Variants in SLC1A3 observed in about 807,000 individuals in gnomAD.
SLC1A3 encodes solute carrier family 1 member 3.
Under a neutral mutation model 48.1 loss-of-function variants are expected in SLC1A3, and 21 were observed. That is an observed-to-expected ratio of 0.44 (90% CI 0.31 to 0.63). The LOEUF is 0.63. SLC1A3 is among the 20% of genes least tolerant of loss of function. The pLI is 0.08. For missense variants in SLC1A3, 546 were observed against 689.0 expected (o/e 0.79, Z 2.32); for synonymous variants, 239 against 251.4 (o/e 0.95, Z 0.47).
At chr5:36,624,253 G>A (rs934269205) in intron 2 of SLC1A3, among the ~76,000 whole-genome samples, 2 of 152,210 alleles carry the variant, frequency 1.3e-5, no homozygotes, top group Non-Finnish European at 2.9e-5. Context: ...TCTAGATTTA[G>A]TTAATGTCAT....
At chr5:36,625,244 C>T (rs2052885) in intron 2 of SLC1A3, among the ~76,000 whole-genome samples, 96,785 of 152,124 alleles carry the variant, frequency 0.64, 31,055 homozygotes, top group South Asian at 0.7. Flanking sequence ...GATCACGTGA[C>T]GTCAGGAGTT....
At chr5:36,603,215 A>G (rs2111633007), upstream of SLC1A3, among the ~76,000 whole-genome samples, 1 of 152,360 alleles carries the variant, frequency 6.6e-6, no homozygotes, top group Middle Eastern at 3.4e-3. Flanking sequence ...ATGCCACACG[A>G]TGGCTGCTAT....
At chr5:36,684,451 C>T (rs760004440) in intron 9 of SLC1A3, among the ~76,000 whole-genome samples, 4 of 152,104 alleles carry the variant, frequency 2.6e-5, no homozygotes, top group Admixed American at 6.5e-5. Flanking sequence ...TGAGCTATGC[C>T]GACACTGGGA....
rs150767230 is a variant in SLC1A3 at position 36,624,699 on chromosome 5, G to A, written c.182-4751G>A. Among the ~76,000 whole-genome samples the A allele has an allele frequency of 6.1e-3, 926 of 152,306 alleles. 6 individuals are homozygous for A. Among genetic ancestry groups the A allele is most frequent in the Middle Eastern group, 0.014 (4 of 294 alleles). On this transcript the variant is annotated intron_variant, in intron 2 of 9. Transcript: ENST00000265113. Reference sequence around the variant, plus strand: ...ATTCTTAATTAAATGTCCTTCTCACGTTACTACCGATGGTTTCTAGTGACT... The same window carrying A: ...ATTCTTAATTAAATGTCCTTCTCACATTACTACCGATGGTTTCTAGTGACT...
chr5:36,596,699 T>C (rs969013818), intron 1 of SLC1A3, among the ~76,000 whole-genome samples: 1 of 152,214 alleles, frequency 6.6e-6, no homozygotes, highest in Non-Finnish European at 1.5e-5. Context: ...TCTTAAATAT[T>C]ACATTTGAAA....
chr5:36,648,834 T>C (rs1740940154), intron 3 of SLC1A3, among the ~76,000 whole-genome samples: 1 of 152,144 alleles, frequency 6.6e-6, no homozygotes, highest in Admixed American at 6.5e-5. Flanking sequence ...TAATGGCCTG[T>C]GGTTCAAGGG....
chr5:36,685,955 C>T (rs190366004), intron 9 of SLC1A3, 110 bp from the exon 10 acceptor site: 15 of 805,442 alleles, frequency 1.9e-5, no homozygotes, highest in South Asian at 5.6e-5. Context: ...TTGGTAGATA[C>T]GGCGAACTGA....
intron 2 of SLC1A3, among the ~76,000 whole-genome samples, chr5:36,625,777 T>A (rs114227754): frequency 5.9e-5 from 9 of 152,196 alleles, no homozygotes; most frequent in Non-Finnish European, 1.2e-4. Flanking sequence ...AGAGAAGAGA[T>A]GTCCTACTTT....
intron 3 of SLC1A3, among the ~76,000 whole-genome samples, chr5:36,641,289 G>A (rs1175974200): frequency 6.6e-6 from 1 of 152,072 alleles, no homozygotes; most frequent in Non-Finnish European, 1.5e-5. Context: ...AAAATGTATT[G>A]TAGTCTGACA....
chr5:36,654,955 T>C (rs923211174), intron 3 of SLC1A3, among the ~76,000 whole-genome samples: 5 of 152,202 alleles, frequency 3.3e-5, no homozygotes, highest in African/African-American at 7.2e-5. Flanking sequence ...TCCTGTTTGG[T>C]TCTTAAGAAC....
Position 36,686,047 on chromosome 5 carries a change from T to G in SLC1A3, c.1425-18T>G. 2 of 1,611,712 alleles carry G rather than the reference T, an allele frequency of 1.2e-6. No homozygotes were observed. The highest frequency in any genetic ancestry group is 1.7e-6 in the Non-Finnish European group (2 of 1,178,172). ...TCACGGGAGCCTCGTTTTTCCCTCC[T>G]CCCCACCCTGCCTGCAGGGATCGCC... On this transcript the variant is annotated intron_variant, in intron 9 of 9. Transcript: ENST00000265113.
chr5:36,618,204 T>A (rs1739525795), intron 2 of SLC1A3, among the ~76,000 whole-genome samples: 3 of 152,224 alleles, frequency 2.0e-5, no homozygotes, highest in Non-Finnish European at 4.4e-5. Flanking sequence ...ACCCAAAGCT[T>A]TAATTTGTAT....
rs557318446 is a variant in SLC1A3, at chr5:36,658,497, C to T, written c.320-12532C>T. Among the ~76,000 whole-genome samples the T allele has an allele frequency of 9.2e-5, 14 of 152,228 alleles. No homozygotes were observed. In the South Asian group the frequency reaches 1.7e-3, roughly 18 times the overall value. On this transcript the variant is annotated intron_variant, in intron 3 of 9. Coordinates refer to ENST00000265113, the MANE Select transcript of SLC1A3 (RefSeq NM_004172.5). Reference sequence around the variant, plus strand: ...ATATTGAGTCTATAGAAAAGAAGACCGAAGTCCCCTGGTAAACGTATCTCA... The same window carrying T: ...ATATTGAGTCTATAGAAAAGAAGACTGAAGTCCCCTGGTAAACGTATCTCA...
At chr5:36,646,924 G>A (rs1033397766) in intron 3 of SLC1A3, among the ~76,000 whole-genome samples, 1 of 152,190 alleles carries the variant, frequency 6.6e-6, no homozygotes, top group African/African-American at 2.4e-5. Context: ...AGTGATGTGA[G>A]GGAAGCAGAG....
intron 3 of SLC1A3, chr5:36,668,150 A>G (rs752023161): frequency 6.6e-6 from 1 of 152,232 alleles, no homozygotes; most frequent in Non-Finnish European, 1.5e-5. Flanking sequence ...GCCCCATTCT[A>G]CAAAGTGATT....
chr5:36,685,285 A>T (rs948893011), intron 9 of SLC1A3, among the ~76,000 whole-genome samples: 1 of 152,188 alleles, frequency 6.6e-6, no homozygotes, highest in Non-Finnish European at 1.5e-5. Context: ...TTATTTATTT[A>T]CTTGTTTTGA....
Position 36,676,870 on chromosome 5 carries a change from CGTT to C in SLC1A3, c.568-19_568-17del, listed in dbSNP as rs774283730. On this transcript the variant is annotated intron_variant, in intron 5 of 9. Transcript: ENST00000265113. ...AAAAATAAAAATCACCTTTAATCCT[CGTT>C]GTGCTTTTTATTTTTAAGTTTAAAA... is the stretch of plus-strand genomic sequence containing the variant. The C allele has an allele frequency of 5.5e-5, 87 of 1,587,534 alleles. No individual in the cohort carries two copies. Among genetic ancestry groups the C allele is most frequent in the Non-Finnish European group, 6.8e-5 (79 of 1,160,666 alleles).
At chr5:36,615,830 T>C (rs1424146399) in intron 2 of SLC1A3, among the ~76,000 whole-genome samples, 2 of 152,230 alleles carry the variant, frequency 1.3e-5, no homozygotes, top group Non-Finnish European at 2.9e-5. Context: ...AGCTGCATCA[T>C]TGCTGGGAGC....
intron 3 of SLC1A3, among the ~76,000 whole-genome samples, chr5:36,642,747 C>T (rs1392786567): frequency 6.6e-6 from 1 of 152,146 alleles, no homozygotes; most frequent in Non-Finnish European, 1.5e-5. Context: ...CAGGCAAACT[C>T]TAGTCTACTT....
Sources: allele counts gnomAD v4.1 joint callset (sites outside exome capture counted in the v4.1 genomes callset), GRCh38; gene constraint gnomAD v4.1.1; transcripts MANE v1.5; gene names NCBI Gene and HGNC (gene_info 2026-07-23, HGNC 2026-07-21).